The following PRRG4 variants were observed in gnomAD, a reference collection of about 807,000 sequenced individuals.
PRRG4 encodes transmembrane gamma-carboxyglutamic acid protein 4.
Under a neutral mutation model 20.0 loss-of-function variants are expected in PRRG4, and 12 were observed. That is an observed-to-expected ratio of 0.60 (90% CI 0.38 to 0.97). The LOEUF (loss-of-function observed/expected upper bound fraction) is 0.97. Ranked by LOEUF, PRRG4 falls within the 50% of genes least tolerant of loss-of-function variation. PRRG4 has a pLI of 0.00. For missense variants in PRRG4, 199 were observed against 265.1 expected (o/e 0.75, Z 1.73); for synonymous variants, 94 against 96.4 (o/e 0.98, Z 0.15).
chr11:32,834,361 A>G (rs975392777), intron 2 of PRRG4, among the ~76,000 whole-genome samples: 2 of 152,204 alleles, frequency 1.3e-5, no homozygotes, highest in African/African-American at 2.4e-5. Flanking sequence ...GTGGTAATAT[A>G]AAATCTACAA....
chr11:32,836,544 AG>A (rs1433277369), intron 2 of PRRG4, 113 bp from the exon 3 acceptor site: 9 of 483,576 alleles, frequency 1.9e-5, no homozygotes, highest in Non-Finnish European at 3.1e-5. Flanking sequence ...TTTACAAAAA[AG>A]TTTGGTATAA....
At chr11:32,845,557 G>A (rs1014266682) in intron 5 of PRRG4, among the ~76,000 whole-genome samples, 6 of 151,522 alleles carry the variant, frequency 4.0e-5, no homozygotes, top group Admixed American at 6.6e-5. Context: ...GCGTGAACCC[G>A]GGAGCTTGCA....
chr11:32,852,102 A>AT (rs771394547), intron 5 of PRRG4, among the ~76,000 whole-genome samples: 17 of 151,554 alleles, frequency 1.1e-4, no homozygotes, highest in Non-Finnish European at 2.2e-4. Flanking sequence ...TAAGCCATAT[A>AT]TTTTTTTTTA....
In PRRG4 at chr11:32,853,484, G is replaced by C. The variant is rs780139876; in HGVS notation, c.638G>C (p.Gly213Ala). The stretch of plus-strand genomic sequence containing the variant: ...CCACCATATCCTGGGCACACAAAAG[G>C]ATTTAGGGTATTTAAAAAATCTATG... Reference protein sequence around the residue: ...PPPPYPGHTKGFRVFKKSMSL... With the variant: ...PPPPYPGHTKAFRVFKKSMSL... The change falls in exon 6 of 6, where the codon GGA becomes GCA. Residue 213 changes from glycine (G) to alanine (A), a missense_variant. Gly to Ala is a moderately conservative substitution (Grantham distance 60). Coordinates refer to ENST00000257836, the MANE Select transcript of PRRG4 (RefSeq NM_024081.6). 5 of 1,614,054 alleles carry C rather than the reference G, an allele frequency of 3.1e-6. No individual in the cohort carries two copies. Among genetic ancestry groups the C allele is most frequent in the Admixed American group, 3.3e-5 (2 of 60,014 alleles).
intron 5 of PRRG4, among the ~76,000 whole-genome samples, chr11:32,845,855 A>T (rs1379062562): frequency 1.3e-5 from 2 of 151,964 alleles, no homozygotes; most frequent in Non-Finnish European, 2.9e-5. Flanking sequence ...AGATTTTTTA[A>T]AAAAATAATT....
In PRRG4 at chr11:32,830,123, A is replaced by G; in HGVS notation, c.-73A>G. ...GCCTGGCGGCCGAAGGAACCGCCCC[A>G]AGAAGAGCCTCTGGCCCGGGGGCTG... On this transcript the variant is annotated 5_prime_UTR_variant, in exon 1 of 6. Transcript: ENST00000257836. The G allele has an allele frequency of 1.0e-6, 1 of 996,790 alleles. No individual in the cohort carries two copies. The highest frequency in any genetic ancestry group is 4.7e-5 in the South Asian group (1 of 21,482). 61.7% of individuals were successfully genotyped at this position (996,790 alleles called of 1,614,324 possible).
Position 32,857,998 on chromosome 11 carries a change from A to G in PRRG4, c.*4471A>G. ...GTACACATATATCAGTATTTTTGTGATCTGAAAAAGCAACCCATTTTCTAA... is the reference window on the plus strand; with the variant it reads ...GTACACATATATCAGTATTTTTGTGGTCTGAAAAAGCAACCCATTTTCTAA... On this transcript the variant is annotated 3_prime_UTR_variant, in exon 6 of 6. Transcript: ENST00000257836. 1 of 152,060 alleles carries G rather than the reference A, an allele frequency of 6.6e-6. No individual in the cohort carries two copies. Among genetic ancestry groups the G allele is most frequent in the Non-Finnish European group, 1.5e-5 (1 of 67,974 alleles). The allele number at this position is 152,060 out of a possible 1,614,324, so 9.4% of individuals were successfully genotyped here.
chr11:32,843,676 A>C (rs1486652269), intron 5 of PRRG4, among the ~76,000 whole-genome samples: 1 of 151,968 alleles, frequency 6.6e-6, no homozygotes. Context: ...TTAAGTATAC[A>C]GTTCAGTAGT....
chr11:32,846,422 C>A (rs1231395184), intron 5 of PRRG4, among the ~76,000 whole-genome samples: 1 of 152,068 alleles, frequency 6.6e-6, no homozygotes, highest in East Asian at 1.9e-4. Flanking sequence ...ATGAGGTGGA[C>A]CACTTAAGCA....
intron 3 of PRRG4, among the ~76,000 whole-genome samples, chr11:32,838,317 G>A (rs943522444): frequency 4.6e-5 from 7 of 152,112 alleles, no homozygotes; most frequent in South Asian, 2.1e-4. Flanking sequence ...TTACCTGGGC[G>A]TGGTGTCAGG....
chr11:32,837,590 C>T (rs117116335), intron 3 of PRRG4, among the ~76,000 whole-genome samples: 4,104 of 147,014 alleles, frequency 0.028, 83 homozygotes, highest in South Asian at 0.04. Context: ...TATCTGGAGA[C>T]GGAGTCGCCC....
At chr11:32,832,212 G>A (rs534807310) in intron 2 of PRRG4, among the ~76,000 whole-genome samples, 4 of 152,240 alleles carry the variant, frequency 2.6e-5, no homozygotes, top group African/African-American at 9.6e-5. Flanking sequence ...CTGTGTGGTG[G>A]AGACATAGAA....
At chr11:32,833,459 C>G (rs1850992562) in intron 2 of PRRG4, among the ~76,000 whole-genome samples, 1 of 152,106 alleles carries the variant, frequency 6.6e-6, no homozygotes, top group African/African-American at 2.4e-5. Context: ...TTTGGCACTG[C>G]TCTTTTTAGC....
chr11:32,836,942 T>C, intron 3 of PRRG4, 121 bp downstream of exon 3: 1 of 733,104 alleles, frequency 1.4e-6, no homozygotes, highest in Non-Finnish European at 2.2e-6. Context: ...CTGCTATCTC[T>C]TTCTACTTCC....
intron 4 of PRRG4, among the ~76,000 whole-genome samples, chr11:32,839,400 G>T (rs1269562903): frequency 6.6e-6 from 1 of 151,378 alleles, no homozygotes; most frequent in Non-Finnish European, 1.5e-5. Flanking sequence ...TGTTTTTTTC[G>T]CCAGCTATTC....
chr11:32,840,094 G>T lies in PRRG4; in HGVS notation c.317-13G>T. On this transcript the variant is annotated splice_polypyrimidine_tract_variant and intron_variant, in intron 4 of 5. Transcript: ENST00000257836. This position sits in a 1 kb window ranked among gnomAD's most constrained non-coding sequence, Gnocchi z 4.1. ...GTTGTTATATTTATGTTATTTTAATGATTTATTTTAAGATGGCAACAGAGA... is the reference window on the plus strand; with the variant it reads ...GTTGTTATATTTATGTTATTTTAATTATTTATTTTAAGATGGCAACAGAGA... The T allele has an allele frequency of 6.4e-7, 1 of 1,570,974 alleles. No individual in the cohort carries two copies. The highest frequency in any genetic ancestry group is 8.8e-7 in the Non-Finnish European group (1 of 1,142,652).
At chr11:32,837,089 G>A (rs570890716) in intron 3 of PRRG4, among the ~76,000 whole-genome samples, 22 of 152,244 alleles carry the variant, frequency 1.4e-4, no homozygotes, top group African/African-American at 5.1e-4. Flanking sequence ...GGGGCAGAGT[G>A]AATTTAACTC....
At chr11:32,839,950 T>G (rs1299365689) in intron 4 of PRRG4, among the ~76,000 whole-genome samples, 157 bp from the exon 5 acceptor site, 2 of 150,614 alleles carry the variant, frequency 1.3e-5, no homozygotes, top group African/African-American at 2.4e-5. Flanking sequence ...CATTTAAATT[T>G]TTTTCAGGTA....
rs1851201033 is a variant in PRRG4, at chr11:32,853,367, T to C, written c.521T>C (p.Leu174Ser). The change falls in exon 6 of 6, where the codon TTG becomes TCG. Residue 174 changes from leucine (L) to serine (S), a missense_variant. By Grantham distance (145) the Leu-to-Ser change is moderately radical. Coordinates refer to ENST00000257836, the MANE Select transcript of PRRG4 (RefSeq NM_024081.6). ...IIFRRPEEAA[L>S]SPLPPSVEDA... ...TTCAGAAGACCTGAGGAGGCTGCCTTGTCTCCATTGCCGCCTTCTGTGGAG... is the reference window on the plus strand; with the variant it reads ...TTCAGAAGACCTGAGGAGGCTGCCTCGTCTCCATTGCCGCCTTCTGTGGAG... 1 of 1,614,010 alleles carries C rather than the reference T, an allele frequency of 6.2e-7. No homozygotes were observed. The highest frequency in any genetic ancestry group is 8.5e-7 in the Non-Finnish European group (1 of 1,180,020).
Sources: gnomAD v4.1 joint callset for allele counts (sites outside exome capture counted in the v4.1 genomes callset) on GRCh38, gnomAD v4.1.1 for gene constraint, Gnocchi (gnomAD v3.1) non-coding constraint, MANE v1.5 for transcripts, NCBI Gene and HGNC (gene_info 2026-07-23, HGNC 2026-07-21) for gene names.